The following PLD2 variants were observed in gnomAD, a reference collection of about 807,000 sequenced individuals.
PLD2 encodes phospholipase D2, also known as choline phosphatase 2.
PLD2 carries 101 observed loss-of-function variants against 119.8 expected under a neutral mutation model. The observed-to-expected ratio is 0.84, with a 90% CI of 0.72 to 0.99. The LOEUF is 0.99. Among genes scored for constraint, PLD2 ranks in the 50% least tolerant of loss-of-function variants. PLD2 has a pLI of 0.00. For synonymous variants in PLD2, 494 were observed against 482.8 expected, an observed-to-expected ratio of 1.02 and a Z score of -0.30; for missense variants, 1,164 against 1,226.8, an observed-to-expected ratio of 0.95 and a Z score of 0.76.
chr17:4,818,234 C>A, intron 18 of PLD2, 63 bp from the exon 19 acceptor site: 1 of 1,505,052 alleles, frequency 6.6e-7, no homozygotes, highest in Non-Finnish European at 9.2e-7. Context: ...GGGACCAAGG[C>A]TGGAGGCCGA....
At chr17:4,811,229 C>T (rs1375693199) in intron 10 of PLD2, among the ~76,000 whole-genome samples, 21 of 152,034 alleles carry the variant, frequency 1.4e-4, no homozygotes, top group Admixed American at 1.3e-3. Flanking sequence ...AATACTGACC[C>T]TCTCTGTTCT....
chr17:4,821,634 A>G, intron 23 of PLD2, 159 bp from the exon 24 acceptor site: 1 of 532,162 alleles, frequency 1.9e-6, no homozygotes, highest in Non-Finnish European at 3.4e-6. Context: ...AGCTCAAGCA[A>G]TCCACCTGCC....
rs1379213994 is a variant in PLD2 at position 4,823,306 on chromosome 17, C to A, written c.*442C>A. 6.2e-6 allele frequency: 1 copy of A among 160,658 alleles called. No homozygotes were observed. Among genetic ancestry groups the A allele is most frequent in the Non-Finnish European group, 1.4e-5 (1 of 73,638 alleles). The allele number at this position is 160,658 out of a possible 1,614,324, so 10.0% of individuals were successfully genotyped here. ...CAAGGTGGAGGGAAGGATAAAGCCA[C>A]TTCTGGCTTCAGCCCCCACCAGGGG... On this transcript the variant is annotated 3_prime_UTR_variant, in exon 25 of 25. Transcript: ENST00000263088.
rs751032433 is a variant in PLD2, at chr17:4,814,615, C to T, written c.1095-18C>T. ...TCTGGGGCTTCGTTTGCCCCTAATC[C>T]ACTGCCCTGAATCCCAGGTTGAGTC... On this transcript the variant is annotated intron_variant, in intron 11 of 24. Coordinates refer to ENST00000263088, the MANE Select transcript of PLD2 (RefSeq NM_002663.5). 13 of 1,614,018 alleles carry T rather than the reference C, an allele frequency of 8.1e-6. No homozygotes were observed. The Admixed American group carries it at 2.0e-4, about 25-fold the overall frequency.
Position 4,817,265 on chromosome 17 carries a change from G to A in PLD2, c.1815+6G>A. ...GGCAGTGCACCACCGTACAGGTGAG[G>A]CCCCCCACTTCAGCCAGCCCTCCCC... On this transcript the variant is annotated splice_donor_region_variant and intron_variant, in intron 17 of 24. Coordinates refer to ENST00000263088, the MANE Select transcript of PLD2 (RefSeq NM_002663.5). The A allele has an allele frequency of 6.4e-7, 1 of 1,572,906 alleles. No homozygotes were observed. The highest frequency in any genetic ancestry group is 8.8e-7 in the Non-Finnish European group (1 of 1,142,244).
At position 4,822,798 on chromosome 17, in the gene PLD2, G is replaced by T; in HGVS notation, c.2736G>T (p.Glu912Asp). The change falls in exon 25 of 25, where the codon GAG becomes GAT. Residue 912 changes from glutamate (E) to aspartate (D), a missense_variant. Transcript: ENST00000263088. ...TCCACTTCCCCCTCAAGTTCCTAGA[G>T]GATGAGTCTTTGCTGCCCCCGCTGG... ...HLVHFPLKFL[E>D]DESLLPPLGS... The T allele has an allele frequency of 6.2e-7, 1 of 1,613,952 alleles. No individual in the cohort carries two copies.
At position 4,808,612 on chromosome 17, in the gene PLD2, G is replaced by A. The variant is rs1230407174; in HGVS notation, c.383+196G>A. On this transcript the variant is annotated intron_variant, in intron 4 of 24. Transcript: ENST00000263088. The surrounding 1 kb of genome is among the most constrained non-coding windows in gnomAD (Gnocchi z 4.1). ...TTCTGTGCCAGCATCTCAGCTGGGC[G>A]GGATGCCCAAAATGCTCTTGGCAGC... is the stretch of plus-strand genomic sequence containing the variant. Among the ~76,000 whole-genome samples the A allele has an allele frequency of 3.9e-5, 6 of 152,110 alleles. No individual in the cohort carries two copies. Among genetic ancestry groups the A allele is most frequent in the Non-Finnish European group, 7.4e-5 (5 of 68,016 alleles).
intron 14 of PLD2, 103 bp from the exon 15 acceptor site, chr17:4,816,517 C>A (rs1002534858): frequency 8.2e-7 from 1 of 1,216,786 alleles, no homozygotes; most frequent in Non-Finnish European, 1.2e-6. Context: ...TTCATTCTTC[C>A]TCTCGGTCTC....
Position 4,810,933 on chromosome 17 carries a change from C to T in PLD2, c.992C>T (p.Pro331Leu). 1.9e-6 allele frequency: 3 copies of T among 1,611,978 alleles called. No homozygotes were observed. The highest frequency in any genetic ancestry group is 1.3e-5 in the African/African-American group (1 of 75,042). Reference protein sequence around the residue: ...HRHDSYAPPRPGTLARWFVNG... With the variant: ...HRHDSYAPPRLGTLARWFVNG... ...CATGACAGCTACGCCCCACCCCGGC[C>T]TGGGACCTTGGCCCGGTGGTGAGAC... Residue 331 changes from proline (P) to leucine (L), a missense_variant, in exon 10 of 25, where the codon CCT (proline) becomes CTT (leucine). Coordinates refer to ENST00000263088, the MANE Select transcript of PLD2 (RefSeq NM_002663.5).
intron 20 of PLD2, 62 bp downstream of exon 20, chr17:4,818,669 T>C: frequency 6.4e-7 from 1 of 1,556,190 alleles, no homozygotes; most frequent in Non-Finnish European, 8.9e-7. Context: ...CCCCTCCTGA[T>C]TCTGTCCTGA....
At position 4,819,697 on chromosome 17, in the gene PLD2, C is replaced by A; in HGVS notation, c.2462+115C>A. 1.9e-6 allele frequency: 2 copies of A among 1,040,660 alleles called. No homozygotes were observed. Among genetic ancestry groups the A allele is most frequent in the Non-Finnish European group, 2.7e-6 (2 of 730,352 alleles). 64.5% of individuals were successfully genotyped at this position (1,040,660 alleles called of 1,614,324 possible). On this transcript the variant is annotated intron_variant, in intron 23 of 24. Coordinates refer to ENST00000263088, the MANE Select transcript of PLD2 (RefSeq NM_002663.5). The surrounding 1 kb of genome is among the most constrained non-coding windows in gnomAD (Gnocchi z 4.2). ...CCCGGAGCCAGAGGTAGAGGCAGTA[C>A]TAGATTCTCAATAGGCAAGGCTGGG...
In PLD2 at chr17:4,818,355, A is replaced by G; in HGVS notation, c.1979A>G (p.Glu660Gly). ...ACGGTTCTGAACAAGGTGGGCGATG[A>G]GATTGTGGACAGAATCCTGAAGGCC... is the stretch of plus-strand genomic sequence containing the variant. ...GRTVLNKVGD[E>G]IVDRILKAHK... is the part of the protein sequence containing the mutation. Residue 660 changes from glutamate to glycine, a missense_variant, in exon 19 of 25, where the codon GAG becomes GGG. Transcript: ENST00000263088. The G allele has an allele frequency of 1.2e-6, 2 of 1,614,042 alleles. No homozygotes were observed. Among genetic ancestry groups the G allele is most frequent in the Non-Finnish European group, 8.5e-7 (1 of 1,179,986 alleles).
Position 4,808,499 on chromosome 17 carries a change from T to C in PLD2, c.383+83T>C. ...TCTGTCTCACCCCGGGGCCACAACC[T>C]TTCCTCCCTGCAACTCTGGCCACTG... On this transcript the variant is annotated intron_variant, in intron 4 of 24. Transcript: ENST00000263088. This position sits in a 1 kb window ranked among gnomAD's most constrained non-coding sequence, Gnocchi z 4.1. The C allele has an allele frequency of 7.1e-7, 1 of 1,402,490 alleles. No individual in the cohort carries two copies. The highest frequency in any genetic ancestry group is 1.4e-5 in the African/African-American group (1 of 70,390). The allele number at this position is 1,402,490 out of a possible 1,614,324, so 86.9% of individuals were successfully genotyped here. A position where few individuals can be genotyped will look rare whatever the true frequency, so the allele number is the denominator to read the frequency against.
In PLD2 at chr17:4,819,883, A is replaced by G. The variant is rs966358679; in HGVS notation, c.2462+301A>G. ...TGTGGTGGCGGGCGCCTGTGATCCC[A>G]GCTACTAGGACTAATCAGTTTAGAG... On this transcript the variant is annotated intron_variant, in intron 23 of 24. Coordinates refer to ENST00000263088, the MANE Select transcript of PLD2 (RefSeq NM_002663.5). This position sits in a 1 kb window ranked among gnomAD's most constrained non-coding sequence, Gnocchi z 4.2. Among the ~76,000 whole-genome samples, 1 of 152,154 alleles carries G rather than the reference A, an allele frequency of 6.6e-6. No homozygotes were observed. Among genetic ancestry groups the G allele is most frequent in the African/African-American group, 2.4e-5 (1 of 41,440 alleles).
intron 12 of PLD2, 138 bp from the exon 13 acceptor site, chr17:4,815,338 A>C (rs1906859577): frequency 2.9e-6 from 2 of 688,168 alleles, no homozygotes; most frequent in Non-Finnish European, 5.3e-6. Flanking sequence ...TGTGGCAAGC[A>C]GCAAAGCAGG....
chr17:4,823,087 C>A lies in PLD2; in HGVS notation c.*223C>A, dbSNP rs1907842799. ...AGGAGGAGAGAGTCCCAGAGCTCAT[C>A]CCCCCTGCTGCCCAGTGCAAACCAC... On this transcript the variant is annotated 3_prime_UTR_variant, in exon 25 of 25. Transcript: ENST00000263088. The A allele has an allele frequency of 9.2e-6, 5 of 542,878 alleles. No homozygotes were observed. In the African/African-American group the frequency reaches 9.4e-5, roughly 10 times the overall value. 33.6% of individuals were successfully genotyped at this position (542,878 alleles called of 1,614,324 possible).
chr17:4,812,674 G>T (rs1165247918), intron 10 of PLD2, among the ~76,000 whole-genome samples: 1 of 152,172 alleles, frequency 6.6e-6, no homozygotes, highest in Non-Finnish European at 1.5e-5. Flanking sequence ...ATGGGGAAAT[G>T]ATTGCCTATA....
Position 4,808,247 on chromosome 17 carries a change from C to T in PLD2, c.241-27C>T, listed in dbSNP as rs1597318962. ...GGGAGGCGGGGACCCACGCAGGGGA[C>T]ATCCATTCAGTTCCTCATACCCCTA... On this transcript the variant is annotated intron_variant, in intron 3 of 24. Coordinates refer to ENST00000263088, the MANE Select transcript of PLD2 (RefSeq NM_002663.5). This position sits in a 1 kb window ranked among gnomAD's most constrained non-coding sequence, Gnocchi z 4.1. 1 of 1,612,122 alleles carries T rather than the reference C, an allele frequency of 6.2e-7. No individual in the cohort carries two copies. The highest frequency in any genetic ancestry group is 8.5e-7 in the Non-Finnish European group (1 of 1,178,748).
At chr17:4,810,657 A>C in intron 9 of PLD2, 145 bp from the exon 10 acceptor site, 2 of 743,014 alleles carry the variant, frequency 2.7e-6, no homozygotes, top group Non-Finnish European at 4.2e-6. Flanking sequence ...AAAATAAATA[A>C]ATAAATAAGG....
Sources: allele counts gnomAD v4.1 joint callset (sites outside exome capture counted in the v4.1 genomes callset), GRCh38; gene constraint gnomAD v4.1.1; non-coding constraint Gnocchi (gnomAD v3.1); transcripts MANE v1.5; gene names NCBI Gene and HGNC (gene_info 2026-07-23, HGNC 2026-07-21).